MYH11: variants seen among roughly 807,000 people sequenced by gnomAD.
MYH11 encodes the protein myosin heavy chain 11, also known as myosin-11.
MYH11 carries 80 observed loss-of-function variants against 246.6 expected under a neutral mutation model. The ratio of observed to expected loss-of-function variants is 0.32; its 90% CI spans 0.27 to 0.39. MYH11 has a LOEUF of 0.39. Among genes scored for constraint, MYH11 ranks in the 10% least tolerant of loss-of-function variants. MYH11 has a pLI of 1.00. For missense variants in MYH11, 2,158 were observed against 2,546.8 expected (o/e 0.85, Z 3.29); for synonymous variants, 1,071 against 1,015.5 (o/e 1.05, Z -1.04).
At chr16:15,709,478 C>T (rs2039658690) in intron 40 of MYH11, among the ~76,000 whole-genome samples, 1 of 152,118 alleles carries the variant, frequency 6.6e-6, no homozygotes, top group African/African-American at 2.4e-5. Context: ...CCGTGGCTGG[C>T]TAATTTTCAT....
At chr16:15,740,743 A>G (rs2041251495) in intron 22 of MYH11, among the ~76,000 whole-genome samples, 1 of 152,166 alleles carries the variant, frequency 6.6e-6, no homozygotes, top group African/African-American at 2.4e-5. Flanking sequence ...TGCGACTCCA[A>G]AAAGGTGGAG....
Position 15,719,677 on chromosome 16 carries a change from C to T in MYH11, c.4990G>A (p.Ala1664Thr), listed in dbSNP as rs1475779964. 4 of 1,614,082 alleles carry T rather than the reference C, an allele frequency of 2.5e-6. No individual in the cohort carries two copies. The highest frequency in any genetic ancestry group is 3.4e-6 in the Non-Finnish European group (4 of 1,180,038). ...MKDFQRELED[A>T]RASRDEIFAT... ...AAGATCTCATCTCTGGAGGCACGGG[C>T]ATCTTCCAGCTCTCTTTGAAAGTCC... The change falls in exon 35 of 41, where the codon GCC becomes ACC. Residue 1664 changes from alanine (A) to threonine (T), a missense_variant. Coordinates refer to ENST00000300036, the MANE Select transcript of MYH11 (RefSeq NM_002474.3).
intron 33 of MYH11, among the ~76,000 whole-genome samples, 200 bp from the exon 34 acceptor site, chr16:15,720,512 C>T (rs577422299): frequency 3.3e-5 from 5 of 151,358 alleles, no homozygotes; most frequent in African/African-American, 1.2e-4. Context: ...TTTGGGAGGC[C>T]AACAGGAGAA....
At chr16:15,845,463 G>T (rs147084339) in intron 1 of MYH11, among the ~76,000 whole-genome samples, 1 of 151,966 alleles carries the variant, frequency 6.6e-6, no homozygotes, top group Non-Finnish European at 1.5e-5. Context: ...TCTCACTTCC[G>T]GTGACTCTAA....
Position 15,714,774 on chromosome 16 carries a change from A to C in MYH11, c.5786+135T>G, listed in dbSNP as rs192945605. 871 of 1,135,624 alleles carry C rather than the reference A, an allele frequency of 7.7e-4. 6 individuals are homozygous for C. Among genetic ancestry groups the C allele is most frequent in the Admixed American group, 7.5e-3 (427 of 56,564 alleles). 70.3% of individuals were successfully genotyped at this position (1,135,624 alleles called of 1,614,324 possible). On this transcript the variant is annotated intron_variant, in intron 40 of 40. Transcript: ENST00000300036. ...CCCACACTAAGCTTAGTGATTAAGG[A>C]GAAGCAGGAATAAACCACAGAAGGG...
At chr16:15,767,634 A>G (rs771304387) in intron 9 of MYH11, among the ~76,000 whole-genome samples, 92 of 152,008 alleles carry the variant, frequency 6.1e-4, no homozygotes, top group Middle Eastern at 3.2e-3. Context: ...AACGTGGCCT[A>G]TTTTGGAAAA....
intron 7 of MYH11, among the ~76,000 whole-genome samples, chr16:15,776,428 G>A (rs1044781783): frequency 2.0e-5 from 3 of 152,098 alleles, no homozygotes; most frequent in African/African-American, 7.2e-5. Context: ...CAGGAAGAAG[G>A]TAATGGTAAC....
At chr16:15,808,698 A>G (rs75713692) in intron 3 of MYH11, among the ~76,000 whole-genome samples, 8,670 of 151,760 alleles carry the variant, frequency 0.057, 298 homozygotes, top group Middle Eastern at 0.14. Context: ...GGAGTTTGAG[A>G]CTCAAAGCGA....
At chr16:15,714,513 A>G (rs1186296723) in intron 40 of MYH11, 1 of 330,692 alleles carries the variant, frequency 3.0e-6, no homozygotes, top group East Asian at 7.1e-5. Flanking sequence ...AGGGGGAGAA[A>G]GGAGGAGCAG....
intron 1 of MYH11, among the ~76,000 whole-genome samples, chr16:15,844,885 A>G (rs1157352892): frequency 6.6e-6 from 1 of 152,170 alleles, no homozygotes; most frequent in Non-Finnish European, 1.5e-5. Context: ...AGAACATTTC[A>G]TAAATATAGG....
At chr16:15,773,932 CCTTT>C (rs1416462269) in intron 8 of MYH11, among the ~76,000 whole-genome samples, 3 of 152,090 alleles carry the variant, frequency 2.0e-5, no homozygotes, top group Non-Finnish European at 2.9e-5. Context: ...TTTATAATTG[CCTTT>C]CTTTCTCCTG....
chr16:15,719,024 A>C, intron 36 of MYH11, 196 bp downstream of exon 36: 1 of 637,342 alleles, frequency 1.6e-6, no homozygotes, highest in Non-Finnish European at 2.8e-6. Context: ...GCTACTCAGA[A>C]GGCTGAGGCA....
In MYH11 at chr16:15,738,588, T is replaced by G. The variant is rs2041188615; in HGVS notation, c.3098A>C (p.Glu1033Ala). ...KNLTKLKNKH[E>A]SMISELEVRL... is the part of the protein sequence containing the mutation. ...ACCTTCCAGTTCTGAAATCATAGAT[T>G]CATGCTTGTTTTTCAGCTTGGTAAG... The change falls in exon 24 of 41, where the codon GAA (glutamate) becomes GCA (alanine). Residue 1033 changes from glutamate (E) to alanine (A), a missense_variant. Physicochemically the swap from Glu to Ala is moderately radical, Grantham distance 107. This residue lies in a region of MYH11 where 284 missense variants were observed against 315.4 expected (regional missense o/e 0.90). Coordinates refer to ENST00000300036, the MANE Select transcript of MYH11 (RefSeq NM_002474.3). The G allele has an allele frequency of 6.2e-7, 1 of 1,613,902 alleles. No individual in the cohort carries two copies. The highest frequency in any genetic ancestry group is 8.5e-7 in the Non-Finnish European group (1 of 1,179,938).
chr16:15,772,847 C>T (rs1047078854), intron 8 of MYH11, among the ~76,000 whole-genome samples: 1 of 152,268 alleles, frequency 6.6e-6, no homozygotes, highest in East Asian at 1.9e-4. Context: ...CTCATAGGAG[C>T]GCAAACCCTA....
intron 40 of MYH11, chr16:15,708,753 A>G (rs1268352638): frequency 1.9e-6 from 3 of 1,573,536 alleles, no homozygotes; most frequent in Non-Finnish European, 2.6e-6. Context: ...TGGGCAGAAA[A>G]GAAATGGATA....
At chr16:15,779,136 T>C (rs2042291101) in intron 6 of MYH11, 1 of 506,990 alleles carries the variant, frequency 2.0e-6, no homozygotes, top group South Asian at 2.1e-5. Flanking sequence ...AAAAAACTTA[T>C]TTATTTATTA....
chr16:15,803,359 C>A (rs12325569), intron 3 of MYH11, among the ~76,000 whole-genome samples: 63,027 of 149,784 alleles, frequency 0.42, 14,256 homozygotes, highest in African/African-American at 0.6. Context: ...TCACTGCAAC[C>A]TCTGCCTCCT....
intron 1 of MYH11, among the ~76,000 whole-genome samples, chr16:15,851,482 T>G (rs766704800): frequency 1.3e-5 from 2 of 152,106 alleles, no homozygotes; most frequent in Non-Finnish European, 2.9e-5. Flanking sequence ...CTTGTAAAAT[T>G]TGGAGTCAGG....
intron 40 of MYH11, chr16:15,708,724 G>C: frequency 7.0e-7 from 1 of 1,431,216 alleles, no homozygotes; most frequent in Non-Finnish European, 9.7e-7. Flanking sequence ...TAAAAATTGG[G>C]GTGGGCAGAG....
Sources: gnomAD v4.1 joint callset for allele counts (sites outside exome capture counted in the v4.1 genomes callset) on GRCh38, gnomAD v4.1.1 for gene constraint, gnomAD v4.1.1 regional missense constraint, MANE v1.5 for transcripts, NCBI Gene and HGNC (gene_info 2026-07-23, HGNC 2026-07-21) for gene names.